PTPRM: variants seen among roughly 807,000 people sequenced by gnomAD.
PTPRM encodes the protein receptor-type tyrosine-protein phosphatase mu.
In PTPRM, 47 loss-of-function variants were observed where a neutral mutation model predicts 186.7. The observed-to-expected ratio is 0.25, with a 90% confidence interval of 0.20 to 0.32. The LOEUF is 0.32. Ranked by LOEUF, PTPRM falls within the 10% of genes least tolerant of loss-of-function variation. The pLI is 1.00. For synonymous variants in PTPRM, 668 were observed against 674.9 expected (o/e 0.99, Z 0.16); for missense variants, 1,494 against 1,865.0 (o/e 0.80, Z 3.66).
At chr18:8,147,891 A>G (rs911067991) in intron 14 of PTPRM, among the ~76,000 whole-genome samples, 1 of 152,118 alleles carries the variant, frequency 6.6e-6, no homozygotes, top group African/African-American at 2.4e-5. Context: ...TTCTGCATCT[A>G]TTGAGATAAT....
chr18:7,877,088 ATATT>A (rs1381228251), intron 2 of PTPRM, among the ~76,000 whole-genome samples: 3 of 152,194 alleles, frequency 2.0e-5, no homozygotes, highest in Non-Finnish European at 2.9e-5. Flanking sequence ...ATATAGATAT[ATATT>A]TAATGATTTG....
intron 23 of PTPRM, among the ~76,000 whole-genome samples, chr18:8,362,069 T>C (rs1455376419): frequency 6.6e-6 from 1 of 152,138 alleles, no homozygotes; most frequent in Non-Finnish European, 1.5e-5. Context: ...CCTGTTATCC[T>C]GCCACCCCAG....
chr18:7,574,220 G>A lies in PTPRM; in HGVS notation c.73+6329G>A, dbSNP rs1017258017. Among the ~76,000 whole-genome samples the A allele has an allele frequency of 2.6e-5, 4 of 152,164 alleles. No individual in the cohort carries two copies. In the South Asian group the frequency reaches 6.2e-4, roughly 24 times the overall value. On this transcript the variant is annotated intron_variant, in intron 1 of 32. Transcript: ENST00000580170. ...GTATTACCAACATGGTGATGTGATCGTGTTGTCTCTGGCCAGACACTGGGG... is the reference window on the plus strand; with the variant it reads ...GTATTACCAACATGGTGATGTGATCATGTTGTCTCTGGCCAGACACTGGGG...
Position 8,019,855 on chromosome 18 carries a change from T to C in PTPRM, c.1133-49831T>C, listed in dbSNP as rs897434772. ...ACTTGTTTAAATATATAAATTTAACTTATTTAATTTATAAATTTAACCCAA... is the reference window on the plus strand; with the variant it reads ...ACTTGTTTAAATATATAAATTTAACCTATTTAATTTATAAATTTAACCCAA... On this transcript the variant is annotated intron_variant, in intron 7 of 32. Transcript: ENST00000580170. Among the ~76,000 whole-genome samples, 9 of 149,522 alleles carry C rather than the reference T, an allele frequency of 6.0e-5. 1 individual carries two copies. The highest frequency in any genetic ancestry group is 2.2e-4 in the African/African-American group (9 of 41,074).
At chr18:7,792,962 T>C (rs1568137183) in intron 2 of PTPRM, among the ~76,000 whole-genome samples, 1 of 152,310 alleles carries the variant, frequency 6.6e-6, no homozygotes, top group Middle Eastern at 3.4e-3. Context: ...AGTGAAATAA[T>C]TTTTTTAAAT....
At chr18:8,323,393 C>A (rs1000356282) in intron 22 of PTPRM, among the ~76,000 whole-genome samples, 5 of 152,106 alleles carry the variant, frequency 3.3e-5, no homozygotes, top group African/African-American at 1.2e-4. Flanking sequence ...CCAGATCCAG[C>A]CCCTGCTTTC....
intron 20 of PTPRM, among the ~76,000 whole-genome samples, chr18:8,310,623 T>C (rs965394994): frequency 2.0e-5 from 3 of 151,968 alleles, no homozygotes; most frequent in East Asian, 1.9e-4. Flanking sequence ...TTGCTAGCTC[T>C]TCAGAGTAGG....
At chr18:8,381,362 A>T (rs1302955668) in intron 29 of PTPRM, among the ~76,000 whole-genome samples, 42 of 11,196 alleles carry the variant, frequency 3.8e-3, no homozygotes, top group African/African-American at 0.019. Context: ...CTTTTTCTTA[A>T]AAAAAAAAAA....
At position 7,718,660 on chromosome 18, in the gene PTPRM, G is replaced by T. The variant is rs554261585; in HGVS notation, c.74-55489G>T. On this transcript the variant is annotated intron_variant, in intron 1 of 32. Transcript: ENST00000580170. ...ATGGGAGAAAATATTTGCAAACTGT[G>T]CATCTGACAAAGGACTAATATCCAG... is the stretch of plus-strand genomic sequence containing the variant. 2.0e-5 allele frequency among the ~76,000 whole-genome samples: 3 copies of T among 152,234 alleles called. No homozygotes were observed. In the South Asian group the frequency reaches 6.2e-4, roughly 32 times the overall value.
intron 14 of PTPRM, among the ~76,000 whole-genome samples, chr18:8,175,104 T>C (rs1473585411): frequency 1.3e-5 from 2 of 152,222 alleles, no homozygotes; most frequent in Admixed American, 1.3e-4. Context: ...TGGAATATGC[T>C]GTCTTCTGCT....
At chr18:7,577,943 CT>C (rs1253406803) in intron 1 of PTPRM, among the ~76,000 whole-genome samples, 1 of 152,142 alleles carries the variant, frequency 6.6e-6, no homozygotes, top group Non-Finnish European at 1.5e-5. Context: ...GTGCAGCATG[CT>C]TTGTCAGAGA....
At chr18:7,962,224 C>G (rs370026125) in intron 7 of PTPRM, among the ~76,000 whole-genome samples, 6,079 of 152,090 alleles carry the variant, frequency 0.04, 396 homozygotes, top group African/African-American at 0.14. Flanking sequence ...CTTCTGTGAA[C>G]AAATAACATA....
intron 1 of PTPRM, among the ~76,000 whole-genome samples, chr18:7,636,715 T>G (rs2038322758): frequency 6.6e-6 from 1 of 152,284 alleles, no homozygotes; most frequent in South Asian, 2.1e-4. Flanking sequence ...GCCAAAGCAC[T>G]TCAGAGAAGA....
chr18:8,085,935 C>G, intron 10 of PTPRM, 63 bp downstream of exon 10: 1 of 1,504,858 alleles, frequency 6.6e-7, no homozygotes, highest in Non-Finnish European at 9.2e-7. Flanking sequence ...TTTTCATTCC[C>G]ATTGTCAAGT....
chr18:7,647,639 A>G (rs1208169915), intron 1 of PTPRM, among the ~76,000 whole-genome samples: 1 of 152,242 alleles, frequency 6.6e-6, no homozygotes, highest in Non-Finnish European at 1.5e-5. Context: ...TCATGCCCAT[A>G]GCCAGCTCTC....
intron 7 of PTPRM, among the ~76,000 whole-genome samples, chr18:7,986,532 A>T (rs2082974141): frequency 6.6e-6 from 1 of 152,214 alleles, no homozygotes; most frequent in Non-Finnish European, 1.5e-5. Context: ...GGAGAACAGT[A>T]CATGCACATC....
In PTPRM at chr18:7,683,699, A is replaced by G. The variant is rs1412902989; in HGVS notation, c.74-90450A>G. Reference sequence around the variant, plus strand: ...ATGGATTTGTTTTCTTTTGTTGCATAATAAATTGCTACAAATTTAGCAAAT... The same window carrying G: ...ATGGATTTGTTTTCTTTTGTTGCATGATAAATTGCTACAAATTTAGCAAAT... On this transcript the variant is annotated intron_variant, in intron 1 of 32. Coordinates refer to ENST00000580170, the MANE Select transcript of PTPRM (RefSeq NM_001105244.2). Among the ~76,000 whole-genome samples the G allele has an allele frequency of 2.0e-5, 3 of 152,180 alleles. No individual in the cohort carries two copies. In the East Asian group the frequency reaches 5.8e-4, roughly 29 times the overall value.
chr18:7,959,892 G>C (rs906058177), intron 7 of PTPRM, among the ~76,000 whole-genome samples: 2 of 152,238 alleles, frequency 1.3e-5, no homozygotes, highest in African/African-American at 4.8e-5. Flanking sequence ...TTGCAGTTCA[G>C]CTATAGTTGG....
At chr18:8,230,848 C>T (rs1421695599) in intron 14 of PTPRM, among the ~76,000 whole-genome samples, 1 of 152,148 alleles carries the variant, frequency 6.6e-6, no homozygotes, top group Non-Finnish European at 1.5e-5. Flanking sequence ...ATGTGACAAC[C>T]TCTTATTCAT....
Sources: gnomAD v4.1 joint callset for allele counts (sites outside exome capture counted in the v4.1 genomes callset) on GRCh38, gnomAD v4.1.1 for gene constraint, MANE v1.5 for transcripts, NCBI Gene and HGNC (gene_info 2026-07-23, HGNC 2026-07-21) for gene names.